The following CEP70 variants were observed in gnomAD, a reference collection of about 807,000 sequenced individuals.
CEP70 encodes centrosomal protein of 70 kDa.
Under a neutral mutation model 90.9 loss-of-function variants are expected in CEP70, and 70 were observed. That is an observed-to-expected ratio of 0.77 (90% CI 0.64 to 0.94). The LOEUF is 0.94. Ranked by LOEUF, CEP70 falls within the 40% of genes least tolerant of loss-of-function variation. CEP70 has a pLI of 0.00. For missense variants in CEP70, 648 were observed against 669.0 expected (o/e 0.97, Z 0.35); for synonymous variants, 220 against 228.3 (o/e 0.96, Z 0.33).
chr3:138,537,191 C>A lies in CEP70; in HGVS notation c.622G>T (p.Val208Phe), dbSNP rs200766916. The A allele has an allele frequency of 2.7e-4, 422 of 1,562,742 alleles. No individual in the cohort carries two copies. Among genetic ancestry groups the A allele is most frequent in the Non-Finnish European group, 3.4e-4 (393 of 1,160,164 alleles). Reference protein sequence around the residue: ...AYLCKRVPHTVLDRQLLCLID... With the variant: ...AYLCKRVPHTFLDRQLLCLID... Reference sequence around the variant, plus strand: ...TAGCAAAATTACTGTCTATCCAAGACGGTATGAGGAACTCTTTTGCACAGA... The same window carrying A: ...TAGCAAAATTACTGTCTATCCAAGAAGGTATGAGGAACTCTTTTGCACAGA... The change falls in exon 7 of 18, where the codon GTC (valine) becomes TTC (phenylalanine). Residue 208 changes from valine to phenylalanine, a missense_variant. By Grantham distance (50) the Val-to-Phe change is conservative. Transcript: ENST00000264982.
intron 11 of CEP70, among the ~76,000 whole-genome samples, chr3:138,525,242 C>T (rs1443520248): frequency 5.3e-5 from 8 of 151,066 alleles, no homozygotes; most frequent in African/African-American, 2.0e-4. Context: ...GGAAGGGGAA[C>T]ACCATACACT....
intron 11 of CEP70, among the ~76,000 whole-genome samples, chr3:138,522,410 T>C (rs1477996074): frequency 2.6e-5 from 4 of 151,734 alleles, no homozygotes; most frequent in Non-Finnish European, 1.5e-5. Context: ...CAAAAAACCC[T>C]TCAAAAAAAT....
intron 16 of CEP70, among the ~76,000 whole-genome samples, chr3:138,499,319 C>T (rs2034256888): frequency 6.6e-6 from 1 of 152,064 alleles, no homozygotes; most frequent in African/African-American, 2.4e-5. Flanking sequence ...TCTAAAAATA[C>T]CAGCTTTTAT....
At chr3:138,561,115 G>A (rs993006219) in intron 6 of CEP70, among the ~76,000 whole-genome samples, 1 of 152,136 alleles carries the variant, frequency 6.6e-6, no homozygotes. Flanking sequence ...CCCAGTAGGA[G>A]CCAACAGACA....
At chr3:138,515,724 T>C (rs2035950837) in intron 11 of CEP70, among the ~76,000 whole-genome samples, 1 of 152,124 alleles carries the variant, frequency 6.6e-6, no homozygotes. Context: ...ATGAAGACTA[T>C]CTATCTCTAC....
Position 138,591,949 on chromosome 3 carries a change from A to G in CEP70, c.-101T>C, listed in dbSNP as rs2042404109. The G allele has an allele frequency of 5.0e-6, 5 of 990,226 alleles. No homozygotes were observed. In the South Asian group the frequency reaches 8.7e-5, roughly 17 times the overall value. The allele number at this position is 990,226 out of a possible 1,614,324, so 61.3% of individuals were successfully genotyped here. On this transcript the variant is annotated 5_prime_UTR_variant, in exon 2 of 18. Coordinates refer to ENST00000264982, the MANE Select transcript of CEP70 (RefSeq NM_024491.4). ...CAACGAGTCTCATGTCTGAAACTGG[A>G]TCTTCATCTAGGTTTCAAAAAGATA...
rs138076538 is a variant in CEP70 at position 138,566,218 on chromosome 3, A to G, written c.465+4100T>C. ...TGTGGAGAAATAGGAACACTTTTAC[A>G]CTGTTGGTGGGGGTGTAAATTAGTT... is the stretch of plus-strand genomic sequence containing the variant. On this transcript the variant is annotated intron_variant, in intron 6 of 17. Transcript: ENST00000264982. Among the ~76,000 whole-genome samples, 1,341 of 152,318 alleles carry G rather than the reference A, an allele frequency of 8.8e-3. 9 individuals are homozygous for G. Among genetic ancestry groups the G allele is most frequent in the Non-Finnish European group, 0.015 (999 of 68,016 alleles).
intron 2 of CEP70, among the ~76,000 whole-genome samples, chr3:138,585,065 A>G (rs949580861): frequency 5.3e-5 from 8 of 152,186 alleles, no homozygotes; most frequent in Non-Finnish European, 1.2e-4. Context: ...GTTAGACATG[A>G]GAAAGGAAAA....
chr3:138,527,683 A>AGCT (rs2107736976), intron 10 of CEP70, among the ~76,000 whole-genome samples: 1 of 137,704 alleles, frequency 7.3e-6, no homozygotes, highest in South Asian at 2.4e-4. Flanking sequence ...CGACAGAGCA[A>AGCT]GACTCCGTCT....
At chr3:138,560,467 G>GTTT (rs1393103362) in intron 6 of CEP70, among the ~76,000 whole-genome samples, 92 of 151,548 alleles carry the variant, frequency 6.1e-4, no homozygotes, top group African/African-American at 2.1e-3. Flanking sequence ...AGGTGCAGGA[G>GTTT]TTTTTGTTTT....
rs181182807 is a variant in CEP70, at chr3:138,541,625, T to C, written c.466-4278A>G. ...AAAACATTTGAAGGTATAAAACCCATTGGTAAAAGTGAATATACAGACAAA... is the reference window on the plus strand; with the variant it reads ...AAAACATTTGAAGGTATAAAACCCACTGGTAAAAGTGAATATACAGACAAA... On this transcript the variant is annotated intron_variant, in intron 6 of 17. Coordinates refer to ENST00000264982, the MANE Select transcript of CEP70 (RefSeq NM_024491.4). 5.9e-5 allele frequency among the ~76,000 whole-genome samples: 9 copies of C among 152,282 alleles called. No homozygotes were observed. The East Asian group carries it at 1.7e-3, about 29-fold the overall frequency.
chr3:138,517,033 C>T (rs2036096280), intron 11 of CEP70, among the ~76,000 whole-genome samples: 1 of 152,172 alleles, frequency 6.6e-6, no homozygotes, highest in South Asian at 2.1e-4. Flanking sequence ...TCACTGCATT[C>T]CTTCTGGTAC....
At chr3:138,557,395 TTAAAG>T (rs1484335021) in intron 6 of CEP70, among the ~76,000 whole-genome samples, 2 of 152,104 alleles carry the variant, frequency 1.3e-5, no homozygotes, top group African/African-American at 2.4e-5. Flanking sequence ...GATTAAGAGA[TTAAAG>T]TAAAGACAGG....
rs578172668 is a variant in CEP70, at chr3:138,570,203, TGATAA to T, written c.465+110_465+114del. On this transcript the variant is annotated intron_variant, in intron 6 of 17. Transcript: ENST00000264982. ...AGTGAAGAGAATTTCAAGGTAGCAG[TGATAA>T]GCCAAAAAAGGTAAAAACCACTGAA... is the stretch of plus-strand genomic sequence containing the variant. 9.1e-4 allele frequency: 561 copies of T among 613,812 alleles called. 4 individuals carry two copies. In the African/African-American group the frequency reaches 0.01, roughly 11 times the overall value. 38.0% of individuals were successfully genotyped at this position (613,812 alleles called of 1,614,324 possible). A position where few individuals can be genotyped will look rare whatever the true frequency, so the allele number is the denominator to read the frequency against.
intron 6 of CEP70, among the ~76,000 whole-genome samples, chr3:138,549,719 A>T (rs1082034): frequency 0.54 from 82,611 of 151,654 alleles, 24,078 homozygotes; most frequent in African/African-American, 0.76. Context: ...CAGCTGATGC[A>T]CTCTTGAATG....
chr3:138,527,061 T>C (rs960198684), intron 10 of CEP70, among the ~76,000 whole-genome samples: 5 of 152,146 alleles, frequency 3.3e-5, no homozygotes, highest in Admixed American at 2.6e-4. Flanking sequence ...GTCTAGGAAA[T>C]ATAAACTAAC....
intron 13 of CEP70, among the ~76,000 whole-genome samples, chr3:138,503,400 T>C (rs1032291712): frequency 2.6e-5 from 4 of 152,180 alleles, no homozygotes; most frequent in African/African-American, 9.7e-5. Context: ...TATACCACAT[T>C]TTGCTTATCC....
At chr3:138,532,410 T>A (rs1286826984) in intron 8 of CEP70, 104 bp downstream of exon 8, 3 of 968,974 alleles carry the variant, frequency 3.1e-6, no homozygotes, top group Non-Finnish European at 4.2e-6. Context: ...AGTGACATAT[T>A]AGGTGGATTT....
chr3:138,550,076 C>G (rs1298983964), intron 6 of CEP70, among the ~76,000 whole-genome samples: 3 of 152,078 alleles, frequency 2.0e-5, no homozygotes, highest in African/African-American at 7.2e-5. Flanking sequence ...GCCTTGAGCC[C>G]CAGACCTTCC....
Sources: gnomAD v4.1 joint callset for allele counts (sites outside exome capture counted in the v4.1 genomes callset) on GRCh38, gnomAD v4.1.1 for gene constraint, MANE v1.5 for transcripts, NCBI Gene and HGNC (gene_info 2026-07-23, HGNC 2026-07-21) for gene names.